The following WDPCP variants were observed in gnomAD, a reference collection of about 807,000 sequenced individuals.
The protein encoded by WDPCP is WD repeat containing planar cell polarity effector, also known as WD repeat-containing and planar cell polarity effector protein fritz homolog.
Under a neutral mutation model 93.1 loss-of-function variants are expected in WDPCP, and 71 were observed. The observed-to-expected ratio is 0.76, with a 90% confidence interval of 0.63 to 0.93. The LOEUF is 0.93. WDPCP is among the 40% of genes least tolerant of loss of function. The pLI is 0.00. For missense variants in WDPCP, 844 were observed against 887.4 expected (o/e 0.95, Z 0.62); for synonymous variants, 315 against 315.0 (o/e 1.00, Z 0.00).
rs1669544583 is a variant in WDPCP, at chr2:63,121,427, C to CAGGTTAGA, written c.*571_*578dup. On this transcript the variant is annotated 3_prime_UTR_variant, in exon 18 of 18. Coordinates refer to ENST00000272321, the MANE Select transcript of WDPCP (RefSeq NM_015910.7). Reference sequence around the variant, plus strand: ...GGAGACAGGGTCACTCTCTGTTGCCCAGGTTAGAGTGCAGTGGCGCGATCA... The same window carrying CAGGTTAGA: ...GGAGACAGGGTCACTCTCTGTTGCCCAGGTTAGAAGGTTAGAGTGCAGTGGCGCGATCA... 1 of 137,808 alleles carries CAGGTTAGA rather than the reference C, an allele frequency of 7.3e-6. No individual in the cohort carries two copies. The highest frequency in any genetic ancestry group is 8.0e-5 in the Admixed American group (1 of 12,428). The allele number at this position is 137,808 out of a possible 1,614,324, so 8.5% of individuals were successfully genotyped here.
chr2:63,364,332 T>C (rs1182856213), intron 12 of WDPCP, among the ~76,000 whole-genome samples: 1 of 152,224 alleles, frequency 6.6e-6, no homozygotes, highest in Non-Finnish European at 1.5e-5. Context: ...GTCACACTTC[T>C]AGATTCTTTT....
At chr2:63,579,836 G>A (rs13008892) in intron 1 of WDPCP, among the ~76,000 whole-genome samples, 4,380 of 152,240 alleles carry the variant, frequency 0.029, 96 homozygotes, top group South Asian at 0.063. Context: ...ATCTCATGTT[G>A]AAATTTGATG....
chr2:63,303,459 T>C (rs1395999260), intron 13 of WDPCP, among the ~76,000 whole-genome samples: 1 of 152,230 alleles, frequency 6.6e-6, no homozygotes, highest in African/African-American at 2.4e-5. Context: ...CTGATACGCC[T>C]GGACCCTGGA....
intron 2 of WDPCP, among the ~76,000 whole-genome samples, chr2:63,715,650 G>A (rs12473342): frequency 0.2 from 30,271 of 152,158 alleles, 3,267 homozygotes; most frequent in Middle Eastern, 0.28. Context: ...TAGAAAAATG[G>A]TATATTTGTT....
intron 1 of WDPCP, among the ~76,000 whole-genome samples, chr2:63,530,199 CT>C (rs796651951): frequency 6.6e-6 from 1 of 152,236 alleles, no homozygotes; most frequent in South Asian, 2.1e-4. Flanking sequence ...TCTCTATCTC[CT>C]TCAATTCTGC....
chr2:63,760,622 T>A (rs1670043017), intron 2 of WDPCP, among the ~76,000 whole-genome samples: 1 of 152,150 alleles, frequency 6.6e-6, no homozygotes, highest in Non-Finnish European at 1.5e-5. Context: ...GGACCCTGAT[T>A]ATTAGAGAAT....
At chr2:63,227,588 G>T (rs1474498869) in intron 14 of WDPCP, among the ~76,000 whole-genome samples, 2 of 152,016 alleles carry the variant, frequency 1.3e-5, no homozygotes, top group African/African-American at 4.8e-5. Flanking sequence ...TTAAAAAGCA[G>T]ACTAGTAAAG....
intron 1 of WDPCP, among the ~76,000 whole-genome samples, chr2:63,543,828 A>G (rs1336600539): frequency 1.3e-5 from 2 of 152,106 alleles, no homozygotes; most frequent in South Asian, 2.1e-4. Flanking sequence ...GAAATAGTAG[A>G]AGGTAAGCCT....
At chr2:63,403,915 G>T in intron 10 of WDPCP, 133 bp downstream of exon 10, 2 of 1,258,832 alleles carry the variant, frequency 1.6e-6, no homozygotes, top group Admixed American at 2.1e-5. Flanking sequence ...GAACTATATG[G>T]ATATTTGAAA....
chr2:63,564,540 T>A (rs1315353397), intron 1 of WDPCP: 1 of 152,214 alleles, frequency 6.6e-6, no homozygotes, highest in Non-Finnish European at 1.5e-5. Context: ...AAGTGAGTTT[T>A]CTTGTTTCTG....
intron 2 of WDPCP, among the ~76,000 whole-genome samples, chr2:63,783,721 T>C (rs1670429936): frequency 6.6e-6 from 1 of 152,152 alleles, no homozygotes; most frequent in South Asian, 2.1e-4. Flanking sequence ...AAATAATGTG[T>C]ACACCTTGGC....
chr2:63,437,425 T>C lies in WDPCP; in HGVS notation c.629A>G (p.Tyr210Cys), dbSNP rs1697208498. 1 of 1,598,800 alleles carries C rather than the reference T, an allele frequency of 6.3e-7. No homozygotes were observed. The highest frequency in any genetic ancestry group is 8.5e-7 in the Non-Finnish European group (1 of 1,171,646). ...KRLEKLSALD[Y>C]KIFYYEIPGP... ...TATATAAATCAAAATCTCTACCTTA[T>C]AATCCAAGGCTGAGAGTTTTTCCAG... The change falls in exon 8 of 18, where the codon TAT becomes TGT. Residue 210 changes from tyrosine (Y) to cysteine (C), a missense_variant. Coordinates refer to ENST00000272321, the MANE Select transcript of WDPCP (RefSeq NM_015910.7).
At chr2:63,261,384 T>C (rs994211602) in intron 13 of WDPCP, among the ~76,000 whole-genome samples, 4 of 152,186 alleles carry the variant, frequency 2.6e-5, no homozygotes, top group African/African-American at 7.2e-5. Context: ...AAAGGCATTC[T>C]AGCCTTTTAG....
At chr2:63,175,410 T>C (rs1673733033) in intron 14 of WDPCP, among the ~76,000 whole-genome samples, 1 of 100,552 alleles carries the variant, frequency 9.9e-6, no homozygotes, top group African/African-American at 3.1e-5. Context: ...ATAAACCTTA[T>C]TAAAAACCAA....
At chr2:63,331,348 T>C (rs1030645776) in intron 12 of WDPCP, among the ~76,000 whole-genome samples, 8 of 152,318 alleles carry the variant, frequency 5.3e-5, no homozygotes, top group African/African-American at 1.9e-4. Flanking sequence ...GATTTAATGT[T>C]TTGGCCTGGA....
At chr2:63,452,371 A>G (rs970909202) in intron 6 of WDPCP, among the ~76,000 whole-genome samples, 1 of 152,210 alleles carries the variant, frequency 6.6e-6, no homozygotes, top group Non-Finnish European at 1.5e-5. Context: ...AATACCTAGG[A>G]ATCCAACTTA....
At chr2:63,796,285 C>T (rs1157293035) in intron 2 of WDPCP, among the ~76,000 whole-genome samples, 6 of 152,122 alleles carry the variant, frequency 3.9e-5, no homozygotes, top group Admixed American at 2.6e-4. Context: ...CAAGCAGTCT[C>T]GGAGCAGGAG....
At chr2:63,383,633 C>T (rs1575287333) in intron 10 of WDPCP, among the ~76,000 whole-genome samples, 1 of 152,054 alleles carries the variant, frequency 6.6e-6, no homozygotes. Flanking sequence ...GAATCGCTTG[C>T]ATCTGGGAGG....
chr2:63,125,590 G>A (rs922476788), intron 17 of WDPCP, among the ~76,000 whole-genome samples: 1 of 152,090 alleles, frequency 6.6e-6, no homozygotes, highest in Non-Finnish European at 1.5e-5. Context: ...ACCACACCCA[G>A]CTTGCTTTTC....
Sources: gnomAD v4.1 joint callset for allele counts (sites outside exome capture counted in the v4.1 genomes callset) on GRCh38, gnomAD v4.1.1 for gene constraint, MANE v1.5 for transcripts, NCBI Gene and HGNC (gene_info 2026-07-23, HGNC 2026-07-21) for gene names.